DAAM2: variants seen among roughly 807,000 people sequenced by gnomAD.
The protein encoded by DAAM2 is dishevelled associated activator of morphogenesis 2.
A neutral mutation model predicts 120.7 loss-of-function variants in DAAM2; 39 were observed. The ratio of observed to expected loss-of-function variants is 0.32; its 90% CI spans 0.25 to 0.42. DAAM2 has a LOEUF of 0.42. Among genes scored for constraint, DAAM2 ranks in the 10% least tolerant of loss-of-function variants. The pLI, the probability that DAAM2 is intolerant of heterozygous loss-of-function variation, is 1.00. For synonymous variants in DAAM2, 488 were observed against 524.9 expected, an observed-to-expected ratio of 0.93 and a Z score of 0.96; for missense variants, 1,283 against 1,401.7, an observed-to-expected ratio of 0.92 and a Z score of 1.35.
chr6:39,825,526 G>C (rs2114158186), intron 1 of DAAM2, among the ~76,000 whole-genome samples: 1 of 152,042 alleles, frequency 6.6e-6, no homozygotes, highest in Admixed American at 6.5e-5. Flanking sequence ...GTGTGTGTGT[G>C]TTGGGGGGCA....
chr6:39,864,349 C>T, intron 3 of DAAM2, 84 bp from the exon 4 acceptor site: 1 of 1,056,908 alleles, frequency 9.5e-7, no homozygotes, highest in Non-Finnish European at 1.4e-6. Flanking sequence ...ATGAATCCCT[C>T]TGCTGACACG....
chr6:39,809,703 C>A (rs1235774079), intron 1 of DAAM2, among the ~76,000 whole-genome samples: 1 of 152,200 alleles, frequency 6.6e-6, no homozygotes, highest in Non-Finnish European at 1.5e-5. Context: ...GATGTCTAAA[C>A]TAGCGCTTCT....
intron 1 of DAAM2, among the ~76,000 whole-genome samples, chr6:39,797,745 C>T (rs1420133770): frequency 2.0e-5 from 3 of 152,204 alleles, no homozygotes; most frequent in African/African-American, 4.8e-5. Context: ...AAGAAACAGC[C>T]AAGACTTTGC....
chr6:39,900,240 A>T lies in DAAM2; in HGVS notation c.2811+32A>T, dbSNP rs766171604. On this transcript the variant is annotated intron_variant, in intron 23 of 24. Transcript: ENST00000274867. ...GTGCCCCAACCCCCACTGCTTGCCA[A>T]CCCAGCCTTATCTAAACAAGCTCCT... is the stretch of plus-strand genomic sequence containing the variant. 10 of 1,601,726 alleles carry T rather than the reference A, an allele frequency of 6.2e-6. No individual in the cohort carries two copies. The East Asian group carries it at 2.3e-4, about 36-fold the overall frequency.
Position 39,903,114 on chromosome 6 carries a change from G to A in DAAM2, c.*1077G>A, listed in dbSNP as rs1261940938. The stretch of plus-strand genomic sequence containing the variant: ...TGTCCAGCCTGCAGGTGGCCACTTG[G>A]AACCATGTGTCCACTGGCGTTGGGG... On this transcript the variant is annotated 3_prime_UTR_variant, in exon 25 of 25. Coordinates refer to ENST00000274867, the MANE Select transcript of DAAM2 (RefSeq NM_001201427.2). 2 of 152,258 alleles carry A rather than the reference G, an allele frequency of 1.3e-5. No homozygotes were observed. The highest frequency in any genetic ancestry group is 4.8e-5 in the African/African-American group (2 of 41,444). 9.4% of individuals were successfully genotyped at this position (152,258 alleles called of 1,614,324 possible).
At chr6:39,870,248 T>C in intron 7 of DAAM2, 92 bp from the exon 8 acceptor site, 1 of 745,210 alleles carries the variant, frequency 1.3e-6, no homozygotes, top group Non-Finnish European at 2.4e-6. Context: ...ATGTGTTGGG[T>C]CTGTGGCTAG....
intron 17 of DAAM2, among the ~76,000 whole-genome samples, chr6:39,889,518 C>T (rs774644318): frequency 2.2e-4 from 34 of 152,270 alleles, no homozygotes; most frequent in Non-Finnish European, 3.1e-4. Flanking sequence ...AACATATACC[C>T]GCCCTATTGC....
At chr6:39,858,120 G>C (rs1386509441) in intron 2 of DAAM2, among the ~76,000 whole-genome samples, 1 of 152,052 alleles carries the variant, frequency 6.6e-6, no homozygotes, top group Non-Finnish European at 1.5e-5. Flanking sequence ...GCATATGTGA[G>C]TCTCAAGTCA....
intron 7 of DAAM2, among the ~76,000 whole-genome samples, chr6:39,869,731 T>TC (rs1312043646): frequency 6.7e-6 from 1 of 150,258 alleles, no homozygotes; most frequent in East Asian, 2.0e-4. Context: ...ATCTTTACTT[T>TC]CCCCTCTTTT....
At chr6:39,804,525 T>TGTGTGTGTGTGTGTGG (rs1191001910) in intron 1 of DAAM2, among the ~76,000 whole-genome samples, 2 of 108,536 alleles carry the variant, frequency 1.8e-5, no homozygotes, top group Admixed American at 1.7e-4. Flanking sequence ...ATCAGTTCTG[T>TGTGTGTGTGTGTGTGG]GTGTGTGTGT....
intron 1 of DAAM2, chr6:39,793,061 C>G (rs1007263982): frequency 2.6e-5 from 4 of 152,274 alleles, no homozygotes; most frequent in African/African-American, 9.6e-5. Flanking sequence ...CACCTGCGGT[C>G]GCAAACCAAC....
chr6:39,804,409 C>G (rs972459972), intron 1 of DAAM2, among the ~76,000 whole-genome samples: 1 of 152,174 alleles, frequency 6.6e-6, no homozygotes, highest in African/African-American at 2.4e-5. Context: ...TTCATTTACT[C>G]AGTCACTAGC....
At chr6:39,886,383 G>A in intron 15 of DAAM2, 1 of 399,420 alleles carries the variant, frequency 2.5e-6, no homozygotes, top group Non-Finnish European at 4.4e-6. Flanking sequence ...CTAATGTTGT[G>A]CATGTTTAAT....
rs200589550 is a variant in DAAM2, at chr6:39,867,596, G to A, written c.515G>A (p.Arg172His). 4,856 of 1,613,992 alleles carry A rather than the reference G, an allele frequency of 3.0e-3. 18 individuals are homozygous for A. Among genetic ancestry groups the A allele is most frequent in the Non-Finnish European group, 3.5e-3 (4,100 of 1,179,888 alleles). The part of the protein sequence containing the change: ...RSMDHATCES[R>H]IHTSLIGCIK... The stretch of plus-strand genomic sequence containing the variant: ...ATGGACCACGCCACCTGTGAGAGCC[G>A]CATCCACACCTCACTCATTGGCTGC... The change falls in exon 6 of 25, where the codon CGC becomes CAC. Residue 172 changes from arginine to histidine, a missense_variant. By Grantham distance (29) the Arg-to-His change is conservative (BLOSUM62 0). Transcript: ENST00000274867.
chr6:39,876,531 C>T (rs1764874847), intron 11 of DAAM2, among the ~76,000 whole-genome samples: 1 of 152,168 alleles, frequency 6.6e-6, no homozygotes, highest in Non-Finnish European at 1.5e-5. Context: ...CTCCTGAGGT[C>T]CAATGAAGTT....
intron 14 of DAAM2, among the ~76,000 whole-genome samples, chr6:39,880,876 G>T (rs554249957): frequency 2.0e-5 from 3 of 152,174 alleles, no homozygotes; most frequent in Non-Finnish European, 4.4e-5. Flanking sequence ...GTGCCCTGTG[G>T]GTGCTCTGTG....
intron 1 of DAAM2, among the ~76,000 whole-genome samples, chr6:39,809,018 G>A (rs1762089427): frequency 6.6e-6 from 1 of 152,176 alleles, no homozygotes; most frequent in South Asian, 2.1e-4. Context: ...CTCCCAAAAG[G>A]GTTTGATGGA....
At chr6:39,835,174 T>A (rs951170662) in intron 1 of DAAM2, among the ~76,000 whole-genome samples, 2 of 152,360 alleles carry the variant, frequency 1.3e-5, no homozygotes, top group African/African-American at 4.8e-5. Flanking sequence ...GAAATGCTGG[T>A]TGACATAGTC....
chr6:39,854,317 T>G (rs76085428), intron 1 of DAAM2, among the ~76,000 whole-genome samples: 1,950 of 152,298 alleles, frequency 0.013, 20 homozygotes, highest in East Asian at 0.059. Context: ...TGAACCCCCA[T>G]GAAGCACAAG....
Sources: allele counts gnomAD v4.1 joint callset (sites outside exome capture counted in the v4.1 genomes callset), GRCh38; gene constraint gnomAD v4.1.1; transcripts MANE v1.5; gene names NCBI Gene and HGNC (gene_info 2026-07-23, HGNC 2026-07-21).